STAM: variants seen among roughly 807,000 people sequenced by gnomAD.
STAM encodes signal transducing adaptor molecule.
STAM carries 16 observed loss-of-function variants against 63.4 expected under a neutral mutation model. The ratio of observed to expected loss-of-function variants is 0.25; its 90% CI spans 0.17 to 0.38. The LOEUF (loss-of-function observed/expected upper bound fraction) is 0.38. STAM is among the 10% of genes least tolerant of loss of function. STAM has a pLI of 1.00. For synonymous variants in STAM, 238 were observed against 223.9 expected (o/e 1.06, Z -0.56); for missense variants, 636 against 657.1 (o/e 0.97, Z 0.35).
chr10:17,657,296 G>C (rs1472112647), intron 1 of STAM, among the ~76,000 whole-genome samples: 1 of 152,164 alleles, frequency 6.6e-6, no homozygotes, highest in Non-Finnish European at 1.5e-5. Flanking sequence ...TGTGATAATT[G>C]CTGAATCACC....
chr10:17,715,725 G>C lies in STAM; in HGVS notation c.*945G>C, dbSNP rs782223116. On this transcript the variant is annotated 3_prime_UTR_variant, in exon 14 of 14. Coordinates refer to ENST00000377524, the MANE Select transcript of STAM (RefSeq NM_003473.4). Reference sequence around the variant, plus strand: ...ACACCAAAGATAGAGGCAATGGATAGAAATTTTTAAACTGGAAAGAAAACC... The same window carrying C: ...ACACCAAAGATAGAGGCAATGGATACAAATTTTTAAACTGGAAAGAAAACC... 6.6e-6 allele frequency: 1 copy of C among 152,596 alleles called. No homozygotes were observed. Among genetic ancestry groups the C allele is most frequent in the Non-Finnish European group, 1.5e-5 (1 of 68,014 alleles). 9.5% of individuals were successfully genotyped at this position (152,596 alleles called of 1,614,324 possible). A position where few individuals can be genotyped will look rare whatever the true frequency, so the allele number is the denominator to read the frequency against.
At chr10:17,696,510 T>C (rs1380094010) in intron 7 of STAM, 7 of 336,114 alleles carry the variant, frequency 2.1e-5, no homozygotes, top group Admixed American at 1.8e-4. Flanking sequence ...TTTTTTCGTA[T>C]TGGTGCCTCT....
At chr10:17,714,013 T>C (rs1836684644) in intron 13 of STAM, among the ~76,000 whole-genome samples, 1 of 152,178 alleles carries the variant, frequency 6.6e-6, no homozygotes, top group Non-Finnish European at 1.5e-5. Flanking sequence ...TCCTTGAACA[T>C]GCTTGGTGTT....
At position 17,696,974 on chromosome 10, in the gene STAM, C is replaced by A; in HGVS notation, c.823+105C>A. The A allele has an allele frequency of 7.1e-6, 6 of 844,660 alleles. No homozygotes were observed. In the Admixed American group the frequency reaches 1.1e-4, roughly 15 times the overall value. 52.3% of individuals were successfully genotyped at this position (844,660 alleles called of 1,614,324 possible). A position where few individuals can be genotyped will look rare whatever the true frequency, so the allele number is the denominator to read the frequency against. On this transcript the variant is annotated intron_variant, in intron 8 of 13. Transcript: ENST00000377524. ...GAGCAGTGTTGCCCAGGCTGGAGTGCAGTGGTGCGAGCTCGGATCATTGCA... is the reference window on the plus strand; with the variant it reads ...GAGCAGTGTTGCCCAGGCTGGAGTGAAGTGGTGCGAGCTCGGATCATTGCA...
intron 2 of STAM, among the ~76,000 whole-genome samples, chr10:17,662,296 G>C (rs1280907740): frequency 6.6e-6 from 1 of 151,614 alleles, no homozygotes; most frequent in Non-Finnish European, 1.5e-5. Flanking sequence ...TGATGCTTTT[G>C]GTCCTTTTGT....
At chr10:17,696,730 T>G (rs782790827) in intron 7 of STAM, 45 bp from the exon 8 acceptor site, 1 of 1,373,478 alleles carries the variant, frequency 7.3e-7, no homozygotes, top group South Asian at 1.2e-5. Flanking sequence ...TGTACAGAAA[T>G]AAATACATTT....
Position 17,696,811 on chromosome 10 carries a change from C to A in STAM, c.765C>A (p.Gly255=). 1.9e-6 allele frequency: 3 copies of A among 1,613,978 alleles called. No individual in the cohort carries two copies. Among genetic ancestry groups the A allele is most frequent in the Non-Finnish European group, 2.5e-6 (3 of 1,179,842 alleles). Reference sequence around the variant, plus strand: ...GGTGGAAAGGTGAAACCCATCAAGGCATAGGGTTATTTCCTTCTAATTTTG... The same window carrying A: ...GGTGGAAAGGTGAAACCCATCAAGGAATAGGGTTATTTCCTTCTAATTTTG... ...PNWWKGETHQ[G]IGLFPSNFVT... Residue 255 remains glycine (G), a synonymous_variant, in exon 8 of 14, where the codon GGC becomes GGA. Transcript: ENST00000377524.
At chr10:17,676,743 T>C (rs1175637221) in intron 2 of STAM, among the ~76,000 whole-genome samples, 1 of 152,184 alleles carries the variant, frequency 6.6e-6, no homozygotes, top group Non-Finnish European at 1.5e-5. Flanking sequence ...ATGAATTATA[T>C]AGACACCATG....
At position 17,674,068 on chromosome 10, in the gene STAM, A is replaced by G. The variant is rs371655348; in HGVS notation, c.126-10607A>G. Among the ~76,000 whole-genome samples, 69 of 152,334 alleles carry G rather than the reference A, an allele frequency of 4.5e-4. 1 individual carries two copies. The South Asian group carries it at 0.014, about 31-fold the overall frequency. On this transcript the variant is annotated intron_variant, in intron 2 of 13. Transcript: ENST00000377524. ...TTTTGAGAAGTGATCCAGGGATGAGATTCATGGCTGGCTTTTGTAAGCCTG... is the reference window on the plus strand; with the variant it reads ...TTTTGAGAAGTGATCCAGGGATGAGGTTCATGGCTGGCTTTTGTAAGCCTG...
At chr10:17,660,316 A>C (rs1834113993) in intron 1 of STAM, 148 bp from the exon 2 acceptor site, 2 of 495,672 alleles carry the variant, frequency 4.0e-6, no homozygotes, top group Non-Finnish European at 7.1e-6. Context: ...TCTTTTCAAG[A>C]TGGCCATGAA....
At position 17,674,252 on chromosome 10, in the gene STAM, G is replaced by A. The variant is rs1834757163; in HGVS notation, c.126-10423G>A. On this transcript the variant is annotated intron_variant, in intron 2 of 13. Transcript: ENST00000377524. ...CAGCCGTCAGCTTCCTTTGTTAGAG[G>A]CTGTTCTAGTTATCTCTTACTACAC... Among the ~76,000 whole-genome samples the A allele has an allele frequency of 7.2e-5, 11 of 152,282 alleles. No individual in the cohort carries two copies. The South Asian group carries it at 2.1e-3, about 29-fold the overall frequency.
chr10:17,670,007 G>A (rs1171076812), intron 2 of STAM, among the ~76,000 whole-genome samples: 1 of 151,178 alleles, frequency 6.6e-6, no homozygotes, highest in African/African-American at 2.4e-5. Flanking sequence ...TGGGATCACA[G>A]GCGTGAGCCA....
rs11254736 is a variant in STAM at position 17,700,348 on chromosome 10, A to G, written c.912+69A>G. On this transcript the variant is annotated intron_variant, in intron 9 of 13. Coordinates refer to ENST00000377524, the MANE Select transcript of STAM (RefSeq NM_003473.4). ...AATTTAAATGGTTTTGCTTTAAGAA[A>G]AAATTGATTACTTGAGTTTTTTTGT... 1.0e-3 allele frequency: 1,251 copies of G among 1,231,464 alleles called. 10 individuals are homozygous for G. In the African/African-American group the frequency reaches 0.018, roughly 17 times the overall value. The allele number at this position is 1,231,464 out of a possible 1,614,324, so 76.3% of individuals were successfully genotyped here. A position where few individuals can be genotyped will look rare whatever the true frequency, so the allele number is the denominator to read the frequency against.
Position 17,678,581 on chromosome 10 carries a change from G to A in STAM, c.126-6094G>A, listed in dbSNP as rs115702226. Among the ~76,000 whole-genome samples, 698 of 152,212 alleles carry A rather than the reference G, an allele frequency of 4.6e-3. 6 individuals carry two copies. Among genetic ancestry groups the A allele is most frequent in the African/African-American group, 0.016 (668 of 41,540 alleles). ...ATGTAGTGTAATTCTTCTGAGGTTC[G>A]TTTATGTTGTAGCTTGTATTAGTAC... On this transcript the variant is annotated intron_variant, in intron 2 of 13. Transcript: ENST00000377524.
chr10:17,657,385 G>A (rs1833983802), intron 1 of STAM, among the ~76,000 whole-genome samples: 1 of 152,080 alleles, frequency 6.6e-6, no homozygotes, highest in South Asian at 2.1e-4. Flanking sequence ...TTTTGTTGAG[G>A]ATTTTTGCAT....
At chr10:17,657,781 A>G (rs1833998521) in intron 1 of STAM, among the ~76,000 whole-genome samples, 2 of 150,656 alleles carry the variant, frequency 1.3e-5, no homozygotes, top group African/African-American at 4.9e-5. Context: ...TTTCTTTTTA[A>G]TGTCCATGGG....
At chr10:17,654,160 G>A (rs1833848261) in intron 1 of STAM, among the ~76,000 whole-genome samples, 1 of 152,084 alleles carries the variant, frequency 6.6e-6, no homozygotes, top group South Asian at 2.1e-4. Flanking sequence ...GTGCATTGTA[G>A]AGGGTTTCTG....
At chr10:17,709,085 A>ATGAG in intron 13 of STAM, 134 bp downstream of exon 13, 2 of 1,040,516 alleles carry the variant, frequency 1.9e-6, no homozygotes, top group South Asian at 3.7e-5. Flanking sequence ...ATTTGTGCTA[A>ATGAG]TGAGTGGTGG....
intron 1 of STAM, among the ~76,000 whole-genome samples, chr10:17,653,210 G>C (rs979976574): frequency 6.6e-6 from 1 of 152,046 alleles, no homozygotes; most frequent in Non-Finnish European, 1.5e-5. Flanking sequence ...CCTATATAAT[G>C]ACACCCCAAT....
Sources: allele counts gnomAD v4.1 joint callset (sites outside exome capture counted in the v4.1 genomes callset), GRCh38; gene constraint gnomAD v4.1.1; transcripts MANE v1.5; gene names NCBI Gene and HGNC (gene_info 2026-07-23, HGNC 2026-07-21).